LCLAT1: variants seen among roughly 807,000 people sequenced by gnomAD.
The protein encoded by LCLAT1 is 1-AGP acyltransferase 8.
Under a neutral mutation model 30.7 loss-of-function variants are expected in LCLAT1, and 11 were observed. That is an observed-to-expected ratio of 0.36 (90% CI 0.23 to 0.59). The LOEUF is 0.59. LCLAT1 is among the 20% of genes least tolerant of loss of function. The pLI is 0.77. For missense variants in LCLAT1, 402 were observed against 458.6 expected (o/e 0.88, Z 1.13); for synonymous variants, 155 against 151.3 (o/e 1.02, Z -0.18).
intron 5 of LCLAT1, among the ~76,000 whole-genome samples, chr2:30,582,179 C>G (rs1328338527): frequency 6.7e-6 from 1 of 149,710 alleles, no homozygotes; most frequent in Non-Finnish European, 1.5e-5. Context: ...TTCTCCTTTT[C>G]CCCCTTTCCC....
intron 1 of LCLAT1, among the ~76,000 whole-genome samples, chr2:30,499,425 G>T (rs1485286862): frequency 6.6e-6 from 1 of 152,092 alleles, no homozygotes. Context: ...CAGGTGATCT[G>T]CCCACCTCGG....
chr2:30,553,248 C>T (rs575744745), intron 3 of LCLAT1, among the ~76,000 whole-genome samples: 15 of 152,162 alleles, frequency 9.9e-5, no homozygotes, highest in Admixed American at 2.0e-4. Flanking sequence ...TTTTCTCCCC[C>T]TAGGCAACGC....
At chr2:30,628,906 C>T (rs1668638070) in intron 5 of LCLAT1, among the ~76,000 whole-genome samples, 1 of 152,136 alleles carries the variant, frequency 6.6e-6, no homozygotes, top group African/African-American at 2.4e-5. Context: ...TAGACACACA[C>T]ATGGGTTGGA....
At chr2:30,611,000 ACTT>A (rs1388968826) in intron 5 of LCLAT1, among the ~76,000 whole-genome samples, 2 of 145,684 alleles carry the variant, frequency 1.4e-5, no homozygotes, top group Non-Finnish European at 3.0e-5. Flanking sequence ...TTTTTTTTTC[ACTT>A]CTTCCTTGAT....
At chr2:30,500,952 G>A (rs984471970) in intron 1 of LCLAT1, among the ~76,000 whole-genome samples, 16 of 151,972 alleles carry the variant, frequency 1.1e-4, no homozygotes, top group Non-Finnish European at 1.5e-4. Flanking sequence ...CCAAATCACC[G>A]TATCTGGACA....
chr2:30,630,116 C>T (rs1425524449), intron 5 of LCLAT1, among the ~76,000 whole-genome samples: 1 of 152,188 alleles, frequency 6.6e-6, no homozygotes, highest in Non-Finnish European at 1.5e-5. Flanking sequence ...GCCTCTCCTT[C>T]ATGGCTCGCA....
intron 5 of LCLAT1, among the ~76,000 whole-genome samples, chr2:30,602,401 A>G (rs991398086): frequency 1.3e-5 from 2 of 152,212 alleles, no homozygotes; most frequent in Non-Finnish European, 2.9e-5. Context: ...GAGAACTTTG[A>G]GAAATTTTCA....
chr2:30,573,880 C>T (rs759218106), intron 5 of LCLAT1, among the ~76,000 whole-genome samples: 1 of 151,972 alleles, frequency 6.6e-6, no homozygotes, highest in African/African-American at 2.4e-5. Flanking sequence ...AATTTTATAC[C>T]GTGTTCCAAT....
chr2:30,536,405 A>G (rs1429222469), intron 3 of LCLAT1, among the ~76,000 whole-genome samples: 1 of 152,226 alleles, frequency 6.6e-6, no homozygotes, highest in Non-Finnish European at 1.5e-5. Flanking sequence ...GTCGAATCAC[A>G]TAAAAGGGAA....
chr2:30,602,906 T>C (rs142809442), intron 5 of LCLAT1, among the ~76,000 whole-genome samples: 44 of 152,282 alleles, frequency 2.9e-4, no homozygotes, highest in Non-Finnish European at 3.5e-4. Flanking sequence ...ATGGGGATTG[T>C]ACAACTTTCT....
intron 1 of LCLAT1, among the ~76,000 whole-genome samples, chr2:30,456,867 C>T (rs994173801): frequency 5.9e-5 from 9 of 152,144 alleles, no homozygotes; most frequent in African/African-American, 2.2e-4. Flanking sequence ...GTAGGAAAAA[C>T]TACATTTACT....
intron 3 of LCLAT1, among the ~76,000 whole-genome samples, chr2:30,555,066 T>G (rs996265303): frequency 6.6e-6 from 1 of 152,094 alleles, no homozygotes; most frequent in African/African-American, 2.4e-5. Flanking sequence ...TGAATTTCTA[T>G]AAAACTATGG....
intron 5 of LCLAT1, among the ~76,000 whole-genome samples, chr2:30,614,353 T>G (rs960902536): frequency 6.6e-6 from 1 of 150,650 alleles, no homozygotes; most frequent in Non-Finnish European, 1.5e-5. Flanking sequence ...AGAATTTTTC[T>G]TAGTACATAA....
At chr2:30,448,045 A>C (rs1260587214) in intron 1 of LCLAT1, among the ~76,000 whole-genome samples, 1 of 152,218 alleles carries the variant, frequency 6.6e-6, no homozygotes, top group East Asian at 1.9e-4. Context: ...AAGATAAGGC[A>C]CTTAGATGTG....
chr2:30,594,610 G>C (rs1289493994), intron 5 of LCLAT1, among the ~76,000 whole-genome samples: 1 of 152,188 alleles, frequency 6.6e-6, no homozygotes. Flanking sequence ...CACAACCAAA[G>C]TTTCCAGGTG....
At chr2:30,488,610 T>C (rs761663912) in intron 1 of LCLAT1, among the ~76,000 whole-genome samples, 43 of 152,236 alleles carry the variant, frequency 2.8e-4, no homozygotes, top group African/African-American at 6.8e-4. Flanking sequence ...TCTTAGATAT[T>C]CTCTTTCGTT....
Position 30,453,815 on chromosome 2 carries a change from A to C in LCLAT1, c.-5+6432A>C, listed in dbSNP as rs912328134. Among the ~76,000 whole-genome samples the C allele has an allele frequency of 2.6e-5, 4 of 152,234 alleles. No individual in the cohort carries two copies. The East Asian group carries it at 7.7e-4, about 29-fold the overall frequency. On this transcript the variant is annotated intron_variant, in intron 1 of 5. Coordinates refer to ENST00000379509, the MANE Select transcript of LCLAT1 (RefSeq NM_001002257.3). Reference sequence around the variant, plus strand: ...TGACCCTCTCTTTTAATAACGTGTGAGTGCCAGGTGTATACTGAGTTCTGT... The same window carrying C: ...TGACCCTCTCTTTTAATAACGTGTGCGTGCCAGGTGTATACTGAGTTCTGT...
chr2:30,619,545 A>C lies in LCLAT1; in HGVS notation c.629-20572A>C, dbSNP rs77875254. 1.9e-3 allele frequency among the ~76,000 whole-genome samples: 287 copies of C among 152,330 alleles called. 3 individuals are homozygous for C. In the East Asian group the frequency reaches 0.03, roughly 16 times the overall value. On this transcript the variant is annotated intron_variant, in intron 5 of 5. Transcript: ENST00000379509. ...AAAAAGATACTTTACTCATGCACCT[A>C]TTTTTAAAAGAATTTCTGGTTGTTT...
intron 1 of LCLAT1, among the ~76,000 whole-genome samples, chr2:30,457,921 ATGT>A (rs1681914268): frequency 6.6e-6 from 1 of 152,164 alleles, no homozygotes; most frequent in East Asian, 1.9e-4. Flanking sequence ...ATTAAAAGAG[ATGT>A]TGTAAGTTAC....
Sources: allele counts gnomAD v4.1 joint callset (sites outside exome capture counted in the v4.1 genomes callset), GRCh38; gene constraint gnomAD v4.1.1; transcripts MANE v1.5; gene names NCBI Gene and HGNC (gene_info 2026-07-23, HGNC 2026-07-21).